DPP10: variants seen among roughly 807,000 people sequenced by gnomAD.
DPP10 encodes inactive dipeptidyl peptidase 10.
Under a neutral mutation model 120.9 loss-of-function variants are expected in DPP10, and 33 were observed. The ratio of observed to expected loss-of-function variants is 0.27; its 90% CI spans 0.21 to 0.37. The LOEUF (loss-of-function observed/expected upper bound fraction) is 0.37, where lower values mean the gene tolerates loss of function less well. Ranked by LOEUF, DPP10 falls within the 10% of genes least tolerant of loss-of-function variation. The probability of loss-of-function intolerance (pLI) is 1.00; values close to 1 mark genes in which losing one functional copy is unlikely to be tolerated. For synonymous variants in DPP10, 337 were observed against 326.1 expected (o/e 1.03, Z -0.36); for missense variants, 816 against 942.8 (o/e 0.87, Z 1.76).
chr2:115,361,768 C>G (rs180733955), intron 3 of DPP10, among the ~76,000 whole-genome samples: 3 of 152,066 alleles, frequency 2.0e-5, no homozygotes, highest in Non-Finnish European at 2.9e-5. Flanking sequence ...CAGCTTCCTC[C>G]CTCTTCATCC....
chr2:115,481,362 C>T (rs1264945088), intron 3 of DPP10, among the ~76,000 whole-genome samples: 1 of 152,088 alleles, frequency 6.6e-6, no homozygotes, highest in African/African-American at 2.4e-5. Flanking sequence ...TTCTTCAAAG[C>T]TTGAAGCTAA....
At chr2:115,696,535 A>C (rs1490113532) in intron 7 of DPP10, among the ~76,000 whole-genome samples, 2 of 152,208 alleles carry the variant, frequency 1.3e-5, no homozygotes, top group African/African-American at 2.4e-5. Flanking sequence ...AAAGCAAGGG[A>C]GAAATTAAGA....
intron 1 of DPP10, among the ~76,000 whole-genome samples, chr2:115,010,011 A>G (rs1421008531): frequency 6.6e-6 from 1 of 152,234 alleles, no homozygotes; most frequent in African/African-American, 2.4e-5. Context: ...GTTAAAATAA[A>G]ACATAATTGA....
At chr2:115,158,193 T>G (rs1410510153) in intron 1 of DPP10, among the ~76,000 whole-genome samples, 1 of 152,234 alleles carries the variant, frequency 6.6e-6, no homozygotes, top group Non-Finnish European at 1.5e-5. Flanking sequence ...AGATGACCTA[T>G]GTATGTATAG....
intron 1 of DPP10, among the ~76,000 whole-genome samples, chr2:114,712,814 G>C (rs1701110177): frequency 6.6e-6 from 1 of 151,654 alleles, no homozygotes; most frequent in South Asian, 2.1e-4. Flanking sequence ...CTTCTAAATG[G>C]TTTCCTACTA....
At chr2:115,470,119 C>G (rs1014863781) in intron 3 of DPP10, among the ~76,000 whole-genome samples, 1 of 152,038 alleles carries the variant, frequency 6.6e-6, no homozygotes, top group African/African-American at 2.4e-5. Context: ...AACAAACAAT[C>G]AAAATCCTTA....
At chr2:114,540,117 CT>C (rs1686838971) in intron 1 of DPP10, among the ~76,000 whole-genome samples, 1 of 152,202 alleles carries the variant, frequency 6.6e-6, no homozygotes, top group Non-Finnish European at 1.5e-5. Flanking sequence ...CCAATTCAGC[CT>C]CTCTCATGAG....
intron 1 of DPP10, among the ~76,000 whole-genome samples, chr2:115,141,586 C>T (rs1242272485): frequency 6.6e-6 from 1 of 152,118 alleles, no homozygotes; most frequent in Non-Finnish European, 1.5e-5. Context: ...TACATAAATA[C>T]TTGTTAATAA....
chr2:115,485,704 T>C (rs935686259), intron 3 of DPP10, among the ~76,000 whole-genome samples: 14 of 152,130 alleles, frequency 9.2e-5, no homozygotes, highest in Middle Eastern at 3.4e-3. Context: ...ATTTGAAGAG[T>C]CATAGCATCT....
intron 1 of DPP10, among the ~76,000 whole-genome samples, chr2:114,459,220 C>A (rs537366105): frequency 6.6e-6 from 1 of 152,252 alleles, no homozygotes; most frequent in African/African-American, 2.4e-5. Context: ...TTGCTGTGAC[C>A]TTCTTCTCTT....
chr2:115,330,618 G>T (rs1317800845), intron 2 of DPP10, among the ~76,000 whole-genome samples: 1 of 151,996 alleles, frequency 6.6e-6, no homozygotes, highest in Admixed American at 6.6e-5. Flanking sequence ...TGTATAAGGT[G>T]TAAGGAAGGG....
intron 1 of DPP10, among the ~76,000 whole-genome samples, chr2:114,658,234 AT>A (rs1286264118): frequency 2.0e-5 from 3 of 152,148 alleles, no homozygotes; most frequent in Non-Finnish European, 2.9e-5. Context: ...CACAGATAAG[AT>A]TTGGAAGTAT....
chr2:115,415,075 A>G (rs1052092545), intron 3 of DPP10, among the ~76,000 whole-genome samples: 6 of 152,166 alleles, frequency 3.9e-5, no homozygotes, highest in African/African-American at 1.4e-4. Flanking sequence ...ACTATCACTT[A>G]TGCTGCAAAC....
intron 5 of DPP10, among the ~76,000 whole-genome samples, chr2:115,642,997 A>G (rs996470785): frequency 4.6e-5 from 7 of 152,166 alleles, no homozygotes; most frequent in Admixed American, 4.6e-4. Flanking sequence ...GATTACTTCT[A>G]AGAAACAGAA....
intron 1 of DPP10, among the ~76,000 whole-genome samples, chr2:115,113,850 T>A (rs145121083): frequency 6.6e-6 from 1 of 152,332 alleles, no homozygotes; most frequent in East Asian, 1.9e-4. Context: ...GCTGTTATTC[T>A]TTTTGTGTAT....
At chr2:114,954,022 G>A (rs1290912441) in intron 1 of DPP10, among the ~76,000 whole-genome samples, 1 of 146,448 alleles carries the variant, frequency 6.8e-6, no homozygotes, top group African/African-American at 2.5e-5. Flanking sequence ...ACAAAATGTA[G>A]AAATAAAATA....
At chr2:114,886,059 G>A (rs985516918) in intron 1 of DPP10, among the ~76,000 whole-genome samples, 3 of 152,064 alleles carry the variant, frequency 2.0e-5, no homozygotes, top group African/African-American at 4.8e-5. Context: ...AAACTTATAG[G>A]TCTTTAGATC....
At chr2:115,151,703 A>G (rs2051570166) in intron 1 of DPP10, among the ~76,000 whole-genome samples, 1 of 149,322 alleles carries the variant, frequency 6.7e-6, no homozygotes. Flanking sequence ...CACCGCGCCC[A>G]GTCAGTATTG....
chr2:114,542,918 C>T (rs1016990694), intron 1 of DPP10, among the ~76,000 whole-genome samples: 3 of 152,080 alleles, frequency 2.0e-5, no homozygotes, highest in Admixed American at 2.0e-4. Context: ...TTCCTCCTTC[C>T]CCAATCATGC....
Sources: gnomAD v4.1 joint callset for allele counts (sites outside exome capture counted in the v4.1 genomes callset) on GRCh38, gnomAD v4.1.1 for gene constraint, MANE v1.5 for transcripts, NCBI Gene and HGNC (gene_info 2026-07-23, HGNC 2026-07-21) for gene names.